Variants in PRL observed in about 807,000 individuals in gnomAD.
PRL encodes the protein prolactin.
Under a neutral mutation model 21.3 loss-of-function variants are expected in PRL, and 24 were observed. The ratio of observed to expected loss-of-function variants is 1.13; its 90% CI spans 0.82 to 1.59. PRL has a LOEUF of 1.59. Ranked by LOEUF, PRL falls within the 40% of genes most tolerant of loss-of-function variation. PRL has a pLI of 0.00. For missense variants in PRL, 243 were observed against 286.9 expected (o/e 0.85, Z 1.10); for synonymous variants, 118 against 115.7 (o/e 1.02, Z -0.13).
In PRL at chr6:22,287,321, A is replaced by C. The variant is rs1760940495; in HGVS notation, c.*81T>G. The C allele has an allele frequency of 1.0e-5, 14 of 1,389,896 alleles. No homozygotes were observed. The highest frequency in any genetic ancestry group is 2.9e-6 in the Non-Finnish European group (3 of 1,030,348). The allele number at this position is 1,389,896 out of a possible 1,614,324, so 86.1% of individuals were successfully genotyped here. The stretch of plus-strand genomic sequence containing the variant: ...ACCTGTTACACCCAAGCATGGATTC[A>C]AAAGAGATACAACTAAAAGAAGCTT... On this transcript the variant is annotated 3_prime_UTR_variant, in exon 5 of 5. Coordinates refer to ENST00000306482, the MANE Select transcript of PRL (RefSeq NM_000948.6).
chr6:22,302,791 T>A (rs1204554263), exon 1 of PRL, among the ~76,000 whole-genome samples: 1 of 152,152 alleles, frequency 6.6e-6, no homozygotes, highest in Admixed American at 6.6e-5. Flanking sequence ...CTTCTTGGTG[T>A]CTCTGTCTTT....
chr6:22,289,309 G>T (rs1012580724), intron 4 of PRL, among the ~76,000 whole-genome samples: 1 of 152,084 alleles, frequency 6.6e-6, no homozygotes, highest in African/African-American at 2.4e-5. Context: ...ATACAAAATT[G>T]TTCCTGTTAT....
At position 22,288,137 on chromosome 6, in the gene PRL, G is replaced by C. The variant is rs1297643767; in HGVS notation, c.493-544C>G. ...TTAGTGATGACCATGACTAAGAAAA[G>C]CTGCTTACATAGTCAGGAGATTTTC... On this transcript the variant is annotated intron_variant, in intron 4 of 4. Coordinates refer to ENST00000306482, the MANE Select transcript of PRL (RefSeq NM_000948.6). The surrounding 1 kb of genome is among the most constrained non-coding windows in gnomAD (Gnocchi z 4.5). 6.6e-6 allele frequency among the ~76,000 whole-genome samples: 1 copy of C among 152,136 alleles called. No individual in the cohort carries two copies. The highest frequency in any genetic ancestry group is 6.5e-5 in the Admixed American group (1 of 15,270).
intron 4 of PRL, among the ~76,000 whole-genome samples, chr6:22,289,178 G>A (rs781210204): frequency 1.3e-5 from 2 of 151,940 alleles, no homozygotes; most frequent in African/African-American, 2.4e-5. Context: ...GAAAATCAAG[G>A]TATTTATTTC....
intron 1 of PRL, 33 bp from the exon 2 acceptor site, chr6:22,294,617 T>C (rs1482284738): frequency 1.3e-6 from 2 of 1,510,750 alleles, no homozygotes; most frequent in East Asian, 4.8e-5. Flanking sequence ...CACTCTGAGA[T>C]GATTTATTCC....
At chr6:22,289,866 C>T (rs1761008408) in intron 4 of PRL, among the ~76,000 whole-genome samples, 2 of 152,278 alleles carry the variant, frequency 1.3e-5, no homozygotes, top group East Asian at 3.9e-4. Context: ...AAGCATGTAT[C>T]TTGCAGATTC....
upstream of PRL, among the ~76,000 whole-genome samples, chr6:22,299,282 A>G (rs1761239289): frequency 6.6e-6 from 1 of 152,190 alleles, no homozygotes; most frequent in Non-Finnish European, 1.5e-5. Context: ...TTGTGATGCA[A>G]CTGAGGGGTG....
chr6:22,294,299 ATGT>A, intron 2 of PRL, 107 bp downstream of exon 2: 1 of 1,265,216 alleles, frequency 7.9e-7, no homozygotes, highest in Admixed American at 1.8e-5. Flanking sequence ...ACATGTTAAA[ATGT>A]ATCGTTTGAA....
intron 4 of PRL, among the ~76,000 whole-genome samples, chr6:22,289,490 C>CA (rs796804160): frequency 6.8e-4 from 103 of 152,236 alleles, no homozygotes; most frequent in African/African-American, 2.2e-3. Context: ...AGATTAAGTA[C>CA]AATGACATGA....
intron 3 of PRL, among the ~76,000 whole-genome samples, 178 bp from the exon 4 acceptor site, chr6:22,290,531 A>T (rs1006780233): frequency 6.6e-6 from 1 of 152,092 alleles, no homozygotes; most frequent in Non-Finnish European, 1.5e-5. Flanking sequence ...ATTGGCCTAA[A>T]CTTTGCTAAA....
chr6:22,287,327 G>A lies in PRL; in HGVS notation c.*75C>T, dbSNP rs1760940625. ...TACACCCAAGCATGGATTCAAAAGA[G>A]ATACAACTAAAAGAAGCTTGCAATG... On this transcript the variant is annotated 3_prime_UTR_variant, in exon 5 of 5. Coordinates refer to ENST00000306482, the MANE Select transcript of PRL (RefSeq NM_000948.6). 2.1e-6 allele frequency: 3 copies of A among 1,413,650 alleles called. No individual in the cohort carries two copies. The highest frequency in any genetic ancestry group is 2.9e-6 in the Non-Finnish European group (3 of 1,045,542). 87.6% of individuals were successfully genotyped at this position (1,413,650 alleles called of 1,614,324 possible). A position where few individuals can be genotyped will look rare whatever the true frequency, so the allele number is the denominator to read the frequency against.
upstream of PRL, among the ~76,000 whole-genome samples, chr6:22,301,085 T>G (rs1289646661): frequency 6.6e-6 from 1 of 152,228 alleles, no homozygotes; most frequent in Admixed American, 6.5e-5. Flanking sequence ...GGATGATAAC[T>G]TTCCTTGTGA....
In PRL at chr6:22,294,414, C is replaced by T. The variant is rs200233127; in HGVS notation, c.199G>A (p.Glu67Lys). ...GCCAGAAGCATGGTACTTACGAATT[C>T]GCTGAACATTTCTGAGGAGAGGTTA... ...IHNLSSEMFS[E>K]FDKRYTHGRG... The change falls in exon 2 of 5, where the codon GAA (glutamate) becomes AAA (lysine). Residue 67 changes from glutamate (E) to lysine (K), a missense_variant. Physicochemically the swap from Glu to Lys is moderately conservative, Grantham distance 56. Transcript: ENST00000306482. The T allele has an allele frequency of 6.2e-7, 1 of 1,614,060 alleles. No homozygotes were observed. Among genetic ancestry groups the T allele is most frequent in the Non-Finnish European group, 8.5e-7 (1 of 1,180,012 alleles).
intron 3 of PRL, among the ~76,000 whole-genome samples, chr6:22,291,918 C>G (rs1272875616): frequency 6.6e-6 from 1 of 152,162 alleles, no homozygotes; most frequent in Non-Finnish European, 1.5e-5. Flanking sequence ...TTGTAGTCAT[C>G]AGAACAGTGG....
chr6:22,296,398 CA>C (rs1761173388), intron 1 of PRL, among the ~76,000 whole-genome samples: 1 of 152,162 alleles, frequency 6.6e-6, no homozygotes, highest in African/African-American at 2.4e-5. Context: ...ATAGGAAAGA[CA>C]ATTCTGTTGT....
At chr6:22,292,907 A>G (rs934838523) in intron 2 of PRL, among the ~76,000 whole-genome samples, 2 of 152,168 alleles carry the variant, frequency 1.3e-5, no homozygotes, top group Admixed American at 1.3e-4. Context: ...TACTTTTACC[A>G]TTCACACAAG....
At chr6:22,294,343 T>G (rs1761127928) in intron 2 of PRL, 66 bp downstream of exon 2, 9 of 1,589,002 alleles carry the variant, frequency 5.7e-6, no homozygotes, top group Non-Finnish European at 7.8e-6. Context: ...TAGGTTAACA[T>G]GTAGCAGAGC....
intron 1 of PRL, among the ~76,000 whole-genome samples, chr6:22,295,153 C>G (rs1258087134): frequency 1.3e-5 from 2 of 152,138 alleles, no homozygotes; most frequent in African/African-American, 4.8e-5. Flanking sequence ...GATCTGCTAA[C>G]TCGTAATAGT....
chr6:22,290,464 T>G, intron 3 of PRL, 111 bp from the exon 4 acceptor site: 1 of 862,852 alleles, frequency 1.2e-6, no homozygotes, highest in Non-Finnish European at 1.6e-6. Flanking sequence ...TTTATTCCTA[T>G]GTGTAGGTAC....
Sources: gnomAD v4.1 joint callset for allele counts (sites outside exome capture counted in the v4.1 genomes callset) on GRCh38, gnomAD v4.1.1 for gene constraint, Gnocchi (gnomAD v3.1) non-coding constraint, MANE v1.5 for transcripts, NCBI Gene and HGNC (gene_info 2026-07-23, HGNC 2026-07-21) for gene names.